Variants in CTNNA2 observed in about 807,000 individuals in gnomAD.
The protein encoded by CTNNA2 is catenin alpha-2.
A neutral mutation model predicts 101.0 loss-of-function variants in CTNNA2; 42 were observed. The observed-to-expected ratio is 0.42, with a 90% CI of 0.32 to 0.54. The LOEUF (loss-of-function observed/expected upper bound fraction) is 0.54. Among genes scored for constraint, CTNNA2 ranks in the 20% least tolerant of loss-of-function variants. The pLI, the probability that CTNNA2 is intolerant of heterozygous loss-of-function variation, is 0.14. For missense variants in CTNNA2, 871 were observed against 1,223.1 expected (o/e 0.71, Z 4.29); for synonymous variants, 450 against 456.4 (o/e 0.99, Z 0.18).
At chr2:80,341,598 A>C (rs1214732670) in intron 7 of CTNNA2, among the ~76,000 whole-genome samples, 1 of 152,232 alleles carries the variant, frequency 6.6e-6, no homozygotes, top group Non-Finnish European at 1.5e-5. Context: ...TAATCAAAAA[A>C]GAAGATGGAC....
intron 15 of CTNNA2, among the ~76,000 whole-genome samples, chr2:80,592,743 T>G (rs1696619459): frequency 6.6e-6 from 1 of 152,164 alleles, no homozygotes; most frequent in African/African-American, 2.4e-5. Context: ...ACATTTGGTA[T>G]TAACATGTTA....
intron 2 of CTNNA2, among the ~76,000 whole-genome samples, chr2:79,724,258 G>GAC (rs902244668): frequency 6.6e-6 from 1 of 151,084 alleles, no homozygotes; most frequent in Non-Finnish European, 1.5e-5. Flanking sequence ...TGTGACAAGT[G>GAC]ACACCTTTGG....
At chr2:79,812,736 G>C (rs1677149718) in intron 3 of CTNNA2, among the ~76,000 whole-genome samples, 1 of 152,076 alleles carries the variant, frequency 6.6e-6, no homozygotes, top group Non-Finnish European at 1.5e-5. Flanking sequence ...TTGTCACCCA[G>C]ATTTCTCCTG....
intron 9 of CTNNA2, among the ~76,000 whole-genome samples, chr2:80,431,231 G>A (rs1681476295): frequency 6.6e-6 from 1 of 152,178 alleles, no homozygotes; most frequent in Admixed American, 6.5e-5. Flanking sequence ...AGGAGGTGGA[G>A]TTCAACTTCA....
chr2:79,515,462 C>T (rs916782111), intron 1 of CTNNA2, among the ~76,000 whole-genome samples: 1 of 152,120 alleles, frequency 6.6e-6, no homozygotes, highest in African/African-American at 2.4e-5. Flanking sequence ...GGGCTTTGCT[C>T]TTTCTTTGTT....
intron 3 of CTNNA2, among the ~76,000 whole-genome samples, chr2:79,797,118 A>T (rs888666398): frequency 1.3e-5 from 2 of 152,220 alleles, no homozygotes; most frequent in Admixed American, 6.5e-5. Flanking sequence ...AACATAAGCT[A>T]TTAATGCCAG....
At chr2:80,597,308 C>T (rs1697069377) in intron 15 of CTNNA2, among the ~76,000 whole-genome samples, 1 of 152,090 alleles carries the variant, frequency 6.6e-6, no homozygotes, top group African/African-American at 2.4e-5. Flanking sequence ...CAAAAATTAA[C>T]TCAACGTGGA....
chr2:80,381,832 A>G lies in CTNNA2; in HGVS notation c.1057-11379A>G, dbSNP rs145331471. 3.3e-5 allele frequency among the ~76,000 whole-genome samples: 5 copies of G among 152,272 alleles called. No homozygotes were observed. The East Asian group carries it at 9.7e-4, about 29-fold the overall frequency. ...AGGGTTCTCATCTCTTAGAAGCACC[A>G]TTTTATCGAATCTATTCTCTTTCAG... On this transcript the variant is annotated intron_variant, in intron 7 of 18. Coordinates refer to ENST00000402739, the MANE Select transcript of CTNNA2 (RefSeq NM_001282597.3).
chr2:80,547,981 C>A (rs936664579), intron 11 of CTNNA2, among the ~76,000 whole-genome samples: 7 of 152,084 alleles, frequency 4.6e-5, no homozygotes, highest in African/African-American at 1.2e-4. Context: ...CGTGAGCCAT[C>A]GCGCCCAGCC....
In CTNNA2 at chr2:79,536,159, A is replaced by T. The variant is rs566130036; in HGVS notation, c.-6+22952A>T. On this transcript the variant is annotated intron_variant, in intron 1 of 18. Transcript: ENST00000402739. ...TTACCAAAAAGTCAGAGATATACAA[A>T]GAAAGCCATACCTAGATTCACATTG... 7.9e-5 allele frequency among the ~76,000 whole-genome samples: 12 copies of T among 152,334 alleles called. No homozygotes were observed. In the East Asian group the frequency reaches 1.7e-3, roughly 22 times the overall value.
intron 9 of CTNNA2, among the ~76,000 whole-genome samples, chr2:80,483,544 T>C (rs904953820): frequency 6.6e-5 from 10 of 152,220 alleles, no homozygotes; most frequent in African/African-American, 2.2e-4. Context: ...GGCATTGAAA[T>C]GTAAAGTCAG....
At chr2:79,198,727 A>G (rs1022257141) in intron 2 of CTNNA2, among the ~76,000 whole-genome samples, 1 of 133,730 alleles carries the variant, frequency 7.5e-6, no homozygotes, top group African/African-American at 2.7e-5. Flanking sequence ...TGTCTTAGGC[A>G]TAGTGTTGGT....
intron 6 of CTNNA2, among the ~76,000 whole-genome samples, chr2:79,900,666 TG>T (rs1225773945): frequency 6.6e-6 from 1 of 152,180 alleles, no homozygotes; most frequent in Admixed American, 6.6e-5. Context: ...AAGGAAGCTC[TG>T]TGGTATCCGT....
At chr2:80,004,357 A>T (rs1364942384) in intron 7 of CTNNA2, among the ~76,000 whole-genome samples, 1 of 152,168 alleles carries the variant, frequency 6.6e-6, no homozygotes, top group East Asian at 1.9e-4. Context: ...TAGTGGAGAA[A>T]GGGACTAGTC....
At chr2:80,064,273 C>T (rs928428147) in intron 7 of CTNNA2, among the ~76,000 whole-genome samples, 1 of 152,128 alleles carries the variant, frequency 6.6e-6, no homozygotes, top group African/African-American at 2.4e-5. Flanking sequence ...GATTCCTAGC[C>T]ATGATGCTGA....
chr2:80,150,334 G>A (rs565262194), intron 7 of CTNNA2, among the ~76,000 whole-genome samples: 10 of 152,098 alleles, frequency 6.6e-5, no homozygotes, highest in African/African-American at 2.2e-4. Flanking sequence ...TTAGCTCCCT[G>A]GCCACAGGGT....
chr2:79,646,243 T>C (rs909699318), intron 1 of CTNNA2, among the ~76,000 whole-genome samples: 1 of 152,208 alleles, frequency 6.6e-6, no homozygotes, highest in African/African-American at 2.4e-5. Flanking sequence ...AAGGCATTCC[T>C]TGGGGTATGG....
chr2:79,479,901 C>T (rs540025048), intron 4 of CTNNA2, among the ~76,000 whole-genome samples: 24 of 151,556 alleles, frequency 1.6e-4, no homozygotes, highest in South Asian at 4.2e-4. Flanking sequence ...CTAGACTGGG[C>T]GACAAAGTGA....
chr2:79,317,051 T>C (rs1676514009), intron 3 of CTNNA2, among the ~76,000 whole-genome samples: 1 of 152,016 alleles, frequency 6.6e-6, no homozygotes, highest in African/African-American at 2.4e-5. Context: ...CACCCTTTAT[T>C]ATGATGAAAA....
Sources: allele counts gnomAD v4.1 joint callset (sites outside exome capture counted in the v4.1 genomes callset), GRCh38; gene constraint gnomAD v4.1.1; transcripts MANE v1.5; gene names NCBI Gene and HGNC (gene_info 2026-07-23, HGNC 2026-07-21).